The following CACNB2 variants were observed in gnomAD, a reference collection of about 807,000 sequenced individuals.
The protein encoded by CACNB2 is voltage-dependent L-type calcium channel subunit beta-2.
Under a neutral mutation model 73.3 loss-of-function variants are expected in CACNB2, and 42 were observed. That is an observed-to-expected ratio of 0.57 (90% CI 0.45 to 0.74). The LOEUF is 0.74. CACNB2 is among the 30% of genes least tolerant of loss of function. The pLI is 0.00. For missense variants in CACNB2, 940 were observed against 853.0 expected, an observed-to-expected ratio of 1.10 and a Z score of -1.27; for synonymous variants, 348 against 310.3, an observed-to-expected ratio of 1.12 and a Z score of -1.28.
At chr10:18,477,777 G>A (rs1241911085) in intron 3 of CACNB2, among the ~76,000 whole-genome samples, 1 of 152,190 alleles carries the variant, frequency 6.6e-6, no homozygotes, top group Non-Finnish European at 1.5e-5. Context: ...CAGTAAATTG[G>A]CACTTTACAA....
chr10:18,192,510 A>G (rs2034447696), intron 2 of CACNB2, among the ~76,000 whole-genome samples: 1 of 152,030 alleles, frequency 6.6e-6, no homozygotes, highest in Non-Finnish European at 1.5e-5. Flanking sequence ...ACCACCTGTA[A>G]CCATTTTAAA....
chr10:18,307,033 A>C (rs2039755662), intron 2 of CACNB2, among the ~76,000 whole-genome samples: 1 of 152,148 alleles, frequency 6.6e-6, no homozygotes, highest in Non-Finnish European at 1.5e-5. Context: ...GAGGAAAGAC[A>C]AGGTCCAAGG....
intron 2 of CACNB2, among the ~76,000 whole-genome samples, chr10:18,289,793 C>T (rs72784234): frequency 2.0e-5 from 3 of 151,980 alleles, no homozygotes; most frequent in Non-Finnish European, 4.4e-5. Context: ...TTGTTCTATC[C>T]TTTATAAAAT....
chr10:18,498,890 A>G (rs557235936), intron 4 of CACNB2: 17 of 214,176 alleles, frequency 7.9e-5, no homozygotes, highest in South Asian at 4.3e-4. Flanking sequence ...CAGTGTCTCA[A>G]TACAAACTAC....
chr10:18,538,436 C>A, intron 13 of CACNB2, 71 bp downstream of exon 13: 1 of 1,388,208 alleles, frequency 7.2e-7, no homozygotes, highest in Non-Finnish European at 1.0e-6. Context: ...GGTGACACCT[C>A]TAGGATCCAA....
Position 18,335,584 on chromosome 10 carries a change from C to CA in CACNB2, c.214-66333dup, listed in dbSNP as rs577500611. On this transcript the variant is annotated intron_variant, in intron 2 of 13. Coordinates refer to ENST00000324631, the MANE Select transcript of CACNB2 (RefSeq NM_201596.3). Reference sequence around the variant, plus strand: ...TGGGCAACAGAGCGAGACTCTGTCTCAAAAAAATATATACATATTAAGTCC... The same window carrying CA: ...TGGGCAACAGAGCGAGACTCTGTCTCAAAAAAAATATATACATATTAAGTCC... Among the ~76,000 whole-genome samples the CA allele has an allele frequency of 2.6e-3, 393 of 152,112 alleles. 1 individual carries two copies. The highest frequency in any genetic ancestry group is 9.1e-3 in the African/African-American group (379 of 41,486).
chr10:18,488,679 T>G (rs557976767), intron 3 of CACNB2, among the ~76,000 whole-genome samples: 1 of 152,156 alleles, frequency 6.6e-6, no homozygotes, highest in South Asian at 2.1e-4. Flanking sequence ...TGCCTTTCTT[T>G]ATACCAACCA....
At chr10:18,321,789 G>A (rs2040406535) in intron 2 of CACNB2, among the ~76,000 whole-genome samples, 1 of 152,204 alleles carries the variant, frequency 6.6e-6, no homozygotes, top group Non-Finnish European at 1.5e-5. Context: ...GTCCTGGCCT[G>A]TTGATGCATC....
At chr10:18,226,135 T>A (rs1353123221) in intron 2 of CACNB2, among the ~76,000 whole-genome samples, 1 of 152,012 alleles carries the variant, frequency 6.6e-6, no homozygotes, top group Non-Finnish European at 1.5e-5. Flanking sequence ...GAAGTGATCC[T>A]CCCACCTCAT....
chr10:18,538,742 C>G (rs2053855401), intron 13 of CACNB2, among the ~76,000 whole-genome samples: 1 of 152,146 alleles, frequency 6.6e-6, no homozygotes, highest in South Asian at 2.1e-4. Flanking sequence ...TTAATAATCT[C>G]AAGAGATGAT....
intron 2 of CACNB2, among the ~76,000 whole-genome samples, chr10:18,246,551 T>C (rs1466442794): frequency 6.6e-6 from 1 of 152,110 alleles, no homozygotes; most frequent in East Asian, 1.9e-4. Flanking sequence ...GGTACCAATC[T>C]CAAATGTTTA....
At chr10:18,326,311 G>A (rs1472053191) in intron 2 of CACNB2, among the ~76,000 whole-genome samples, 1 of 152,202 alleles carries the variant, frequency 6.6e-6, no homozygotes, top group Non-Finnish European at 1.5e-5. Flanking sequence ...TTCCTCCAGT[G>A]TACTTCATGG....
chr10:18,354,356 C>T (rs1478796686), intron 2 of CACNB2, among the ~76,000 whole-genome samples: 1 of 152,044 alleles, frequency 6.6e-6, no homozygotes, highest in Non-Finnish European at 1.5e-5. Flanking sequence ...TTCCACTGTG[C>T]CTGGTCCCAA....
At chr10:18,141,423 A>G (rs543121166) in intron 1 of CACNB2, among the ~76,000 whole-genome samples, 3 of 152,340 alleles carry the variant, frequency 2.0e-5, no homozygotes. Context: ...ACAGCTCTCC[A>G]GTCCCCTCGG....
intron 2 of CACNB2, among the ~76,000 whole-genome samples, chr10:18,237,201 C>T (rs1298906741): frequency 2.0e-5 from 3 of 152,004 alleles, no homozygotes; most frequent in Admixed American, 6.6e-5. Context: ...AATTGTGTTC[C>T]CCCAGAAAGT....
At chr10:18,329,755 C>A (rs182998868) in intron 2 of CACNB2, among the ~76,000 whole-genome samples, 2 of 152,166 alleles carry the variant, frequency 1.3e-5, no homozygotes, top group Admixed American at 1.3e-4. Flanking sequence ...GTACTTTTAT[C>A]CCAAATTCAT....
intron 2 of CACNB2, among the ~76,000 whole-genome samples, chr10:18,338,787 G>C (rs572414871): frequency 4.7e-5 from 6 of 128,398 alleles, no homozygotes; most frequent in African/African-American, 1.8e-4. Flanking sequence ...CACCCAGGCT[G>C]CAGTGCAGTG....
At chr10:18,189,145 T>TA (rs1462031515) in intron 2 of CACNB2, among the ~76,000 whole-genome samples, 5 of 151,618 alleles carry the variant, frequency 3.3e-5, no homozygotes, top group Admixed American at 6.6e-5. Flanking sequence ...TTTGTTTTTT[T>TA]AAAAAAAAAT....
At chr10:18,409,195 AG>A (rs1413872878) in intron 3 of CACNB2, among the ~76,000 whole-genome samples, 1 of 151,866 alleles carries the variant, frequency 6.6e-6, no homozygotes, top group Non-Finnish European at 1.5e-5. Flanking sequence ...GCTATCCCAG[AG>A]GCTGAAGCAG....
Sources: allele counts gnomAD v4.1 joint callset (sites outside exome capture counted in the v4.1 genomes callset), GRCh38; gene constraint gnomAD v4.1.1; transcripts MANE v1.5; gene names NCBI Gene and HGNC (gene_info 2026-07-23, HGNC 2026-07-21).